Variants in TLN2 observed in about 807,000 individuals in gnomAD.
The protein encoded by TLN2 is talin-2.
TLN2 carries 118 observed loss-of-function variants against 294.7 expected under a neutral mutation model. The ratio of observed to expected loss-of-function variants is 0.40; its 90% CI spans 0.34 to 0.47. The LOEUF (loss-of-function observed/expected upper bound fraction) is 0.47, where lower values mean the gene tolerates loss of function less well. Among genes scored for constraint, TLN2 ranks in the 20% least tolerant of loss-of-function variants. The pLI, the probability that TLN2 is intolerant of heterozygous loss-of-function variation, is 0.84. For missense variants in TLN2, 3,083 were observed against 3,282.2 expected (o/e 0.94, Z 1.48); for synonymous variants, 1,431 against 1,304.5 (o/e 1.10, Z -2.09).
intron 1 of TLN2, among the ~76,000 whole-genome samples, chr15:62,470,072 C>G (rs1161639002): frequency 6.6e-6 from 1 of 152,156 alleles, no homozygotes; most frequent in Non-Finnish European, 1.5e-5. Flanking sequence ...AAAGTAAAGG[C>G]CTGCCAATTC....
chr15:62,789,242 C>G (rs935478579), intron 45 of TLN2, among the ~76,000 whole-genome samples: 1 of 152,190 alleles, frequency 6.6e-6, no homozygotes, highest in Non-Finnish European at 1.5e-5. Context: ...ACCTAGATGA[C>G]AGTTGCGTGA....
chr15:62,574,350 A>C (rs2044194574), intron 1 of TLN2, among the ~76,000 whole-genome samples: 1 of 151,650 alleles, frequency 6.6e-6, no homozygotes, highest in Non-Finnish European at 1.5e-5. Context: ...CTGAGGTGAG[A>C]GGATCACATG....
At chr15:62,411,490 T>C (rs890785038) in intron 1 of TLN2, among the ~76,000 whole-genome samples, 1 of 149,190 alleles carries the variant, frequency 6.7e-6, no homozygotes. Context: ...GTTCCCATGC[T>C]GCATTGGCCC....
intron 50 of TLN2, among the ~76,000 whole-genome samples, chr15:62,805,137 A>G (rs1402067691): frequency 1.3e-5 from 2 of 152,194 alleles, no homozygotes; most frequent in Non-Finnish European, 2.9e-5. Context: ...CATTTCCCCC[A>G]ACCTCACATC....
chr15:62,485,637 C>T (rs1013047662), intron 1 of TLN2, among the ~76,000 whole-genome samples: 1 of 152,214 alleles, frequency 6.6e-6, no homozygotes, highest in South Asian at 2.1e-4. Context: ...GGGACATTCT[C>T]TTTCCTCCCC....
chr15:62,473,526 G>A (rs2037609897), intron 1 of TLN2, among the ~76,000 whole-genome samples: 1 of 152,114 alleles, frequency 6.6e-6, no homozygotes, highest in Admixed American at 6.5e-5. Flanking sequence ...CACTACCTAT[G>A]TATGTGTTCC....
chr15:62,644,291 C>G (rs1330826414), intron 3 of TLN2, among the ~76,000 whole-genome samples: 1 of 152,050 alleles, frequency 6.6e-6, no homozygotes, highest in Non-Finnish European at 1.5e-5. Context: ...GTGCTTTCTC[C>G]TGGGTTCTAC....
chr15:62,418,584 C>T (rs1470526727), intron 1 of TLN2, among the ~76,000 whole-genome samples: 2 of 152,118 alleles, frequency 1.3e-5, no homozygotes, highest in African/African-American at 4.8e-5. Context: ...ACCAAACAGG[C>T]TTTGTGTGAG....
chr15:62,783,631 G>C, intron 44 of TLN2, 140 bp from the exon 45 acceptor site: 1 of 1,435,558 alleles, frequency 7.0e-7, no homozygotes. Flanking sequence ...CCAAATGCAA[G>C]GCCTGGCCTT....
At chr15:62,763,789 A>G (rs2062822642) in intron 40 of TLN2, 94 bp downstream of exon 40, 1 of 1,418,358 alleles carries the variant, frequency 7.1e-7, no homozygotes, top group African/African-American at 1.4e-5. Context: ...GTAGGGCCAA[A>G]ATGTTTCTGT....
chr15:62,526,499 GC>G (rs2140485194), intron 1 of TLN2, among the ~76,000 whole-genome samples: 1 of 152,114 alleles, frequency 6.6e-6, no homozygotes, highest in East Asian at 1.9e-4. Context: ...TCCCTTCTGA[GC>G]CCCAGTGAAG....
intron 1 of TLN2, among the ~76,000 whole-genome samples, chr15:62,584,774 G>T (rs571105081): frequency 1.3e-5 from 2 of 152,310 alleles, no homozygotes; most frequent in African/African-American, 4.8e-5. Flanking sequence ...GGCTGCCAAA[G>T]AACTTTTGGT....
intron 1 of TLN2, among the ~76,000 whole-genome samples, chr15:62,558,635 A>G (rs1051999592): frequency 3.9e-5 from 6 of 152,338 alleles, no homozygotes; most frequent in Admixed American, 2.6e-4. Context: ...GTAGTTCTCA[A>G]AGAGAGGTGG....
chr15:62,763,609 A>G lies in TLN2; in HGVS notation c.5008A>G (p.Ile1670Val), dbSNP rs768302958. 6.2e-7 allele frequency: 1 copy of G among 1,613,808 alleles called. No individual in the cohort carries two copies. Among genetic ancestry groups the G allele is most frequent in the Non-Finnish European group, 8.5e-7 (1 of 1,179,882 alleles). The change falls in exon 40 of 59, where the codon ATC becomes GTC. Residue 1670 changes from isoleucine (I) to valine (V), a missense_variant. Ile to Val is a conservative substitution (Grantham distance 29, BLOSUM62 3). Coordinates refer to ENST00000636159, the MANE Select transcript of TLN2 (RefSeq NM_015059.3). ...GGAGTGTGATTACTCCATCGATGGC[A>G]TCAACCGGTGCATCCGGGACATCGA... ...QRECDYSIDG[I>V]NRCIRDIEQA...
At chr15:62,456,065 TA>T (rs778821800) in intron 1 of TLN2, among the ~76,000 whole-genome samples, 1,772 of 132,952 alleles carry the variant, frequency 0.013, 18 homozygotes, top group African/African-American at 0.029. Flanking sequence ...GTAAGACTCT[TA>T]AAAAAAAAAA....
chr15:62,824,337 C>T (rs1349049891), intron 54 of TLN2, among the ~76,000 whole-genome samples: 1 of 152,162 alleles, frequency 6.6e-6, no homozygotes, highest in Non-Finnish European at 1.5e-5. Context: ...ATGTCTGTGA[C>T]ACAGAATAAA....
chr15:62,604,447 G>A (rs1241735148), intron 2 of TLN2, among the ~76,000 whole-genome samples: 4 of 149,996 alleles, frequency 2.7e-5, no homozygotes, highest in Non-Finnish European at 5.9e-5. Flanking sequence ...GGAGACTGAG[G>A]TAGAAGATTT....
chr15:62,395,090 C>G (rs934196229), intron 1 of TLN2, among the ~76,000 whole-genome samples: 1 of 152,012 alleles, frequency 6.6e-6, no homozygotes, highest in Non-Finnish European at 1.5e-5. Flanking sequence ...GTTATTCACT[C>G]ATTCAGTGTA....
Position 62,719,807 on chromosome 15 carries a change from G to C in TLN2, c.2918G>C (p.Arg973Thr). The C allele has an allele frequency of 6.2e-7, 1 of 1,611,894 alleles. No homozygotes were observed. The highest frequency in any genetic ancestry group is 1.7e-5 in the Admixed American group (1 of 59,854). Reference protein sequence around the residue: ...DHIPQLVQGVRGSQAQAEDLS... With the variant: ...DHIPQLVQGVTGSQAQAEDLS... ...ATCCCTCAGCTGGTCCAGGGAGTGA[G>C]GGGGAGCCAAGCTCAAGCTGAAGAC... The change falls in exon 25 of 59, where the codon AGG (arginine) becomes ACG (threonine). Residue 973 changes from arginine to threonine, a missense_variant. Transcript: ENST00000636159.
Sources: allele counts gnomAD v4.1 joint callset (sites outside exome capture counted in the v4.1 genomes callset), GRCh38; gene constraint gnomAD v4.1.1; transcripts MANE v1.5; gene names NCBI Gene and HGNC (gene_info 2026-07-23, HGNC 2026-07-21).